The following KCNT2 variants were observed in gnomAD, a reference collection of about 807,000 sequenced individuals.
KCNT2 encodes potassium channel subfamily T member 2.
KCNT2 carries 67 observed loss-of-function variants against 153.8 expected under a neutral mutation model. The observed-to-expected ratio is 0.44, with a 90% CI of 0.36 to 0.53. The LOEUF is 0.53. Ranked by LOEUF, KCNT2 falls within the 20% of genes least tolerant of loss-of-function variation. KCNT2 has a pLI of 0.00. For missense variants in KCNT2, 975 were observed against 1,354.8 expected (o/e 0.72, Z 4.40); for synonymous variants, 500 against 458.8 (o/e 1.09, Z -1.15).
chr1:196,465,374 C>A lies in KCNT2; in HGVS notation c.557G>T (p.Arg186Ile), dbSNP rs758255109. The change falls in exon 8 of 28, where the codon AGA (arginine) becomes ATA (isoleucine). Residue 186 changes from arginine (R) to isoleucine (I), a missense_variant. Physicochemically the swap from Arg to Ile is moderately conservative, Grantham distance 97. This residue lies in a region of KCNT2 where 140 missense variants were observed against 216.0 expected (regional missense o/e 0.65). Coordinates refer to ENST00000294725, the MANE Select transcript of KCNT2 (RefSeq NM_198503.5). ...TGCAGACTGTGTACGCTGAATGGCTCTGTGTAGATCATTCTAAAATAATAC... is the reference window on the plus strand; with the variant it reads ...TGCAGACTGTGTACGCTGAATGGCTATGTGTAGATCATTCTAAAATAATAC... ...ALENMINDLH[R>I]AIQRTQSAMF... 2 of 1,598,286 alleles carry A rather than the reference C, an allele frequency of 1.3e-6. No individual in the cohort carries two copies. Among genetic ancestry groups the A allele is most frequent in the Non-Finnish European group, 1.7e-6 (2 of 1,166,874 alleles).
At chr1:196,279,281 C>T (rs1194461622) in intron 25 of KCNT2, among the ~76,000 whole-genome samples, 1 of 151,500 alleles carries the variant, frequency 6.6e-6, no homozygotes, top group African/African-American at 2.4e-5. Context: ...ACATATTTAA[C>T]TGTCTGGTTT....
chr1:196,505,588 A>T (rs1681066173), intron 1 of KCNT2, among the ~76,000 whole-genome samples: 1 of 152,030 alleles, frequency 6.6e-6, no homozygotes, highest in Non-Finnish European at 1.5e-5. Flanking sequence ...GTACCATATG[A>T]ATTTTAAGGT....
At position 196,321,969 on chromosome 1, in the gene KCNT2, A is replaced by G. The variant is rs573253963; in HGVS notation, c.2277-2414T>C. Among the ~76,000 whole-genome samples, 8 of 152,096 alleles carry G rather than the reference A, an allele frequency of 5.3e-5. No homozygotes were observed. In the South Asian group the frequency reaches 1.2e-3, roughly 24 times the overall value. The stretch of plus-strand genomic sequence containing the variant: ...AACAATTTTTTAATCATTGGGAGGC[A>G]GCTAATTGGCAAGCACAACCTTTAC... On this transcript the variant is annotated intron_variant, in intron 19 of 27. Transcript: ENST00000294725.
At chr1:196,546,056 T>C (rs892576975) in intron 1 of KCNT2, among the ~76,000 whole-genome samples, 1 of 152,030 alleles carries the variant, frequency 6.6e-6, no homozygotes, top group Non-Finnish European at 1.5e-5. Flanking sequence ...CTGGGCCATA[T>C]AGTAAATCTA....
chr1:196,425,194 A>G (rs1673547244), intron 11 of KCNT2, among the ~76,000 whole-genome samples: 2 of 151,988 alleles, frequency 1.3e-5, no homozygotes, highest in South Asian at 4.1e-4. Context: ...TATGCTCAAT[A>G]ATACTCTCAC....
intron 6 of KCNT2, among the ~76,000 whole-genome samples, 180 bp downstream of exon 6, chr1:196,468,814 T>C: frequency 6.6e-6 from 1 of 152,086 alleles, no homozygotes; most frequent in Non-Finnish European, 1.5e-5. Context: ...AAATCATTAG[T>C]TTCCATTTAG....
At chr1:196,567,657 T>C (rs970618314) in intron 1 of KCNT2, among the ~76,000 whole-genome samples, 9 of 152,292 alleles carry the variant, frequency 5.9e-5, no homozygotes, top group African/African-American at 2.2e-4. Context: ...GGAGTTCTTC[T>C]GTGTGATGGC....
At chr1:196,318,872 T>C (rs1442685277) in intron 20 of KCNT2, among the ~76,000 whole-genome samples, 1 of 151,758 alleles carries the variant, frequency 6.6e-6, no homozygotes, top group Non-Finnish European at 1.5e-5. Context: ...TTTTTAGAAG[T>C]GGAAAAGTAA....
intron 19 of KCNT2, among the ~76,000 whole-genome samples, chr1:196,323,051 T>C (rs1209374978): frequency 1.3e-5 from 2 of 151,966 alleles, no homozygotes; most frequent in African/African-American, 4.8e-5. Flanking sequence ...TTAAGATAAA[T>C]GTTTTAACCA....
rs528126359 is a variant in KCNT2, at chr1:196,348,744, G to A, written c.1404-6516C>T. Among the ~76,000 whole-genome samples, 37 of 152,108 alleles carry A rather than the reference G, an allele frequency of 2.4e-4. No individual in the cohort carries two copies. The South Asian group carries it at 5.6e-3, about 23-fold the overall frequency. On this transcript the variant is annotated intron_variant, in intron 14 of 27. Coordinates refer to ENST00000294725, the MANE Select transcript of KCNT2 (RefSeq NM_198503.5). ...TATGTTTAATATTTGAAAGAATCCC[G>A]GCCAGGCACGGTGGCTCACGCCTGT...
In KCNT2 at chr1:196,608,311, C is replaced by T. The variant is rs746279929; in HGVS notation, c.-2G>A. 2 of 1,612,218 alleles carry T rather than the reference C, an allele frequency of 1.2e-6. No individual in the cohort carries two copies. The highest frequency in any genetic ancestry group is 1.7e-6 in the Non-Finnish European group (2 of 1,178,272). On this transcript the variant is annotated 5_prime_UTR_variant, in exon 1 of 28. Transcript: ENST00000294725. The stretch of plus-strand genomic sequence containing the variant: ...CACTTCGCTCTCCAAATCAACCATC[C>T]TTCCTCAAAGAGTGGGAAACATCAA...
intron 8 of KCNT2, among the ~76,000 whole-genome samples, chr1:196,445,615 C>G (rs757238395): frequency 4.0e-5 from 6 of 151,310 alleles, no homozygotes; most frequent in Non-Finnish European, 8.9e-5. Flanking sequence ...AACAGAGAAA[C>G]TTTGTCATAA....
chr1:196,487,651 C>T (rs1483389392), intron 3 of KCNT2, among the ~76,000 whole-genome samples: 3 of 151,888 alleles, frequency 2.0e-5, no homozygotes, highest in Non-Finnish European at 2.9e-5. Context: ...ATACTCATTC[C>T]TATTGATCAT....
chr1:196,251,726 C>T (rs908032426), intron 26 of KCNT2, among the ~76,000 whole-genome samples: 2 of 151,752 alleles, frequency 1.3e-5, no homozygotes, highest in Non-Finnish European at 2.9e-5. Context: ...ATTTATTGTG[C>T]ATTTAAAAAT....
chr1:196,290,558 G>A (rs1660092712), intron 22 of KCNT2, among the ~76,000 whole-genome samples: 1 of 150,572 alleles, frequency 6.6e-6, no homozygotes, highest in African/African-American at 2.4e-5. Context: ...GTGTGTATAT[G>A]TATAGGTGTA....
At chr1:196,543,781 A>T (rs1164045659) in intron 1 of KCNT2, among the ~76,000 whole-genome samples, 1 of 152,138 alleles carries the variant, frequency 6.6e-6, no homozygotes, top group African/African-American at 2.4e-5. Context: ...TGGATCCCTT[A>T]TACATTGTTG....
intron 1 of KCNT2, among the ~76,000 whole-genome samples, chr1:196,539,294 G>A (rs746047835): frequency 6.6e-6 from 1 of 152,144 alleles, no homozygotes; most frequent in African/African-American, 2.4e-5. Context: ...AGTACTTCAT[G>A]TGTGTTCGCA....
chr1:196,446,493 A>G (rs913476968), intron 8 of KCNT2, among the ~76,000 whole-genome samples: 5 of 151,414 alleles, frequency 3.3e-5, no homozygotes, highest in African/African-American at 1.2e-4. Context: ...GCAGCATCTT[A>G]GGGCAGTAAG....
At chr1:196,427,342 A>G (rs1673744728) in intron 10 of KCNT2, among the ~76,000 whole-genome samples, 1 of 152,000 alleles carries the variant, frequency 6.6e-6, no homozygotes, top group Admixed American at 6.6e-5. Context: ...ACAAATCAAT[A>G]TTTCTATGTT....
Sources: allele counts gnomAD v4.1 joint callset (sites outside exome capture counted in the v4.1 genomes callset), GRCh38; gene constraint gnomAD v4.1.1; regional missense constraint gnomAD v4.1.1; transcripts MANE v1.5; gene names NCBI Gene and HGNC (gene_info 2026-07-23, HGNC 2026-07-21).